Variants in IRAG1 observed in about 807,000 individuals in gnomAD.
IRAG1 encodes IP3R-associated cGMP kinase substrate.
IRAG1 carries 62 observed loss-of-function variants against 106.2 expected under a neutral mutation model. The ratio of observed to expected loss-of-function variants is 0.58; its 90% CI spans 0.48 to 0.72. The LOEUF is 0.72. Ranked by LOEUF, IRAG1 falls within the 30% of genes least tolerant of loss-of-function variation. The probability of loss-of-function intolerance (pLI) is 0.00; values close to 1 mark genes in which losing one functional copy is unlikely to be tolerated. For missense variants in IRAG1, 1,064 were observed against 1,140.7 expected (o/e 0.93, Z 0.97); for synonymous variants, 462 against 443.9 (o/e 1.04, Z -0.51).
intron 4 of IRAG1, 52 bp downstream of exon 4, chr11:10,631,939 C>G: frequency 6.6e-7 from 1 of 1,520,726 alleles, no homozygotes. Context: ...CCCAGCCACG[C>G]TGCCAGACCT....
At chr11:10,627,614 C>A (rs1425152) in intron 8 of IRAG1, 102 bp downstream of exon 8, 578,269 of 1,235,070 alleles carry the variant, frequency 0.47, 138,959 homozygotes, top group East Asian at 0.67. Flanking sequence ...CATACGTGTG[C>A]ATGCACACAC....
intron 1 of IRAG1, among the ~76,000 whole-genome samples, chr11:10,670,684 A>G (rs1241713785): frequency 6.6e-6 from 1 of 152,212 alleles, no homozygotes; most frequent in Non-Finnish European, 1.5e-5. Flanking sequence ...CAGGGCCTTT[A>G]AAGAGGTGAT....
chr11:10,680,294 G>A (rs1861051909), intron 1 of IRAG1, among the ~76,000 whole-genome samples: 1 of 116,584 alleles, frequency 8.6e-6, no homozygotes, highest in Non-Finnish European at 1.7e-5. Flanking sequence ...AAAAGAGAGA[G>A]AGAGAGAGAG....
intron 1 of IRAG1, among the ~76,000 whole-genome samples, chr11:10,672,350 C>T (rs1363827416): frequency 6.6e-6 from 1 of 151,910 alleles, no homozygotes; most frequent in Non-Finnish European, 1.5e-5. Flanking sequence ...TGGACTTCAT[C>T]GCGATACAAA....
chr11:10,634,859 T>C (rs917848245), intron 2 of IRAG1, among the ~76,000 whole-genome samples: 5 of 152,048 alleles, frequency 3.3e-5, no homozygotes, highest in Non-Finnish European at 5.9e-5. Flanking sequence ...ACATTTAGAT[T>C]GTTTCCATAC....
At chr11:10,687,791 G>C (rs752725390) in intron 1 of IRAG1, 31 of 1,288,996 alleles carry the variant, frequency 2.4e-5, no homozygotes, top group Non-Finnish European at 2.8e-5. Context: ...GAGGGGAACA[G>C]ACAGGGGCTA....
At chr11:10,609,879 T>C (rs748102872) in intron 10 of IRAG1, 28 bp from the exon 11 acceptor site, 1 of 1,611,590 alleles carries the variant, frequency 6.2e-7, no homozygotes, top group Admixed American at 1.7e-5. Flanking sequence ...ACTTATAAAA[T>C]GTCTCTTTGA....
chr11:10,594,204 G>GGA lies in IRAG1; in HGVS notation c.2018-11_2018-10dup, dbSNP rs1853005981. The GGA allele has an allele frequency of 6.2e-7, 1 of 1,607,898 alleles. No homozygotes were observed. The highest frequency in any genetic ancestry group is 1.3e-5 in the African/African-American group (1 of 74,836). On this transcript the variant is annotated splice_polypyrimidine_tract_variant and intron_variant, in intron 15 of 20. Coordinates refer to ENST00000423302, the MANE Select transcript of IRAG1 (RefSeq NM_130385.4). ...GCGAGGGACCCCATCTTCTGCAGCA[G>GGA]GAGGGAGCAGAGAAGAGAACACAGG...
Position 10,594,154 on chromosome 11 carries a change from G to T in IRAG1, c.2059C>A (p.Leu687Met). The T allele has an allele frequency of 6.2e-7, 1 of 1,608,672 alleles. No individual in the cohort carries two copies. The highest frequency in any genetic ancestry group is 1.3e-5 in the African/African-American group (1 of 74,966). The change falls in exon 16 of 21, where the codon CTG becomes ATG. Residue 687 changes from leucine to methionine, a missense_variant. Coordinates refer to ENST00000423302, the MANE Select transcript of IRAG1 (RefSeq NM_130385.4). ...TCCTTGAACATGCATACCTTTCCCAGCGTGAGGGACATGGACCGTGCCGTG... is the reference window on the plus strand; with the variant it reads ...TCCTTGAACATGCATACCTTTCCCATCGTGAGGGACATGGACCGTGCCGTG... ...PRTARSMSLT[L>M]GKNMPRRRVS...
At chr11:10,678,685 A>C (rs1412493057) in intron 1 of IRAG1, among the ~76,000 whole-genome samples, 1 of 152,102 alleles carries the variant, frequency 6.6e-6, no homozygotes, top group East Asian at 1.9e-4. Flanking sequence ...TCTCAGACCC[A>C]CCATTGTTTA....
In IRAG1 at chr11:10,689,431, G is replaced by GTGATGTTGTGTGTT. The variant is rs1394750716; in HGVS notation, c.67+4091_67+4104dup. On this transcript the variant is annotated intron_variant, in intron 1 of 20. Transcript: ENST00000423302. ...TAAGAAGGAATAATGTTCTTACAAT[G>GTGATGTTGTGTGTT]TGATGTTGTGTGTTTAAGGCTGGGT... 2.0e-5 allele frequency among the ~76,000 whole-genome samples: 3 copies of GTGATGTTGTGTGTT among 152,206 alleles called. No homozygotes were observed. The East Asian group carries it at 5.8e-4, about 29-fold the overall frequency.
Position 10,629,510 on chromosome 11 carries a change from C to T in IRAG1, c.574+28G>A, listed in dbSNP as rs1414799982. On this transcript the variant is annotated intron_variant, in intron 5 of 20. Coordinates refer to ENST00000423302, the MANE Select transcript of IRAG1 (RefSeq NM_130385.4). ...CTCCCGACCCTAGAGGGGCTCAGGG[C>T]AGCCACCTGTACATCCTGCCACCCT... 5.6e-6 allele frequency: 9 copies of T among 1,602,930 alleles called. No homozygotes were observed. The African/African-American group carries it at 1.2e-4, about 21-fold the overall frequency.
intron 18 of IRAG1, among the ~76,000 whole-genome samples, chr11:10,588,456 C>T (rs1445875666): frequency 6.6e-6 from 1 of 152,070 alleles, no homozygotes; most frequent in East Asian, 1.9e-4. Flanking sequence ...GTCAAGCCAT[C>T]CTCCCACCTC....
chr11:10,680,379 AG>A (rs1861100075), intron 1 of IRAG1, among the ~76,000 whole-genome samples: 2 of 74,418 alleles, frequency 2.7e-5, no homozygotes, highest in African/African-American at 1.6e-4. Context: ...GAAGGAAGGA[AG>A]GAAGGAAGGA....
At position 10,584,158 on chromosome 11, in the gene IRAG1, C is replaced by T. The variant is rs552979507; in HGVS notation, c.2241-2172G>A. Among the ~76,000 whole-genome samples, 6 of 152,200 alleles carry T rather than the reference C, an allele frequency of 3.9e-5. No homozygotes were observed. The East Asian group carries it at 1.2e-3, about 29-fold the overall frequency. ...GGAGCAATGTCGTCATGGAGGAGTCCTCCAACAAGGCAACACTGTGAGCAG... is the reference window on the plus strand; with the variant it reads ...GGAGCAATGTCGTCATGGAGGAGTCTTCCAACAAGGCAACACTGTGAGCAG... On this transcript the variant is annotated intron_variant, in intron 18 of 20. Coordinates refer to ENST00000423302, the MANE Select transcript of IRAG1 (RefSeq NM_130385.4).
chr11:10,643,626 C>T (rs1857713508), intron 2 of IRAG1, among the ~76,000 whole-genome samples: 1 of 152,124 alleles, frequency 6.6e-6, no homozygotes, highest in Admixed American at 6.5e-5. Flanking sequence ...AACACTACTC[C>T]ACCCTCCATT....
At chr11:10,577,971 G>T (rs1272303436) in intron 20 of IRAG1, among the ~76,000 whole-genome samples, 1 of 152,204 alleles carries the variant, frequency 6.6e-6, no homozygotes, top group Non-Finnish European at 1.5e-5. Context: ...AGATTCTCTA[G>T]ATTCTATTTA....
chr11:10,692,762 T>C (rs1862160521), intron 1 of IRAG1, among the ~76,000 whole-genome samples: 1 of 152,204 alleles, frequency 6.6e-6, no homozygotes, highest in Non-Finnish European at 1.5e-5. Flanking sequence ...AGAGCCTCTA[T>C]AGCCTTTACA....
chr11:10,633,081 T>C (rs1178161992), intron 3 of IRAG1, among the ~76,000 whole-genome samples: 4 of 149,218 alleles, frequency 2.7e-5, no homozygotes, highest in Non-Finnish European at 4.5e-5. Flanking sequence ...CTTTCTTTTT[T>C]TTTTTTTTTT....
Sources: allele counts gnomAD v4.1 joint callset (sites outside exome capture counted in the v4.1 genomes callset), GRCh38; gene constraint gnomAD v4.1.1; transcripts MANE v1.5; gene names NCBI Gene and HGNC (gene_info 2026-07-23, HGNC 2026-07-21).